ADAMTS2: variants seen among roughly 807,000 people sequenced by gnomAD.
ADAMTS2 encodes A disintegrin and metalloproteinase with thrombospondin motifs 2.
ADAMTS2 carries 50 observed loss-of-function variants against 123.0 expected under a neutral mutation model. The observed-to-expected ratio is 0.41, with a 90% confidence interval of 0.32 to 0.51. ADAMTS2 has a LOEUF of 0.51. Among genes scored for constraint, ADAMTS2 ranks in the 20% least tolerant of loss-of-function variants. ADAMTS2 has a pLI of 0.35. For synonymous variants in ADAMTS2, 678 were observed against 695.4 expected (o/e 0.98, Z 0.39); for missense variants, 1,494 against 1,705.2 (o/e 0.88, Z 2.18).
rs148530649 is a variant in ADAMTS2, at chr5:179,240,494, G to A, written c.688+32417C>T. 3.9e-3 allele frequency among the ~76,000 whole-genome samples: 594 copies of A among 152,278 alleles called. 2 individuals are homozygous for A. The highest frequency in any genetic ancestry group is 0.024 in the Middle Eastern group (7 of 294). On this transcript the variant is annotated intron_variant, in intron 3 of 21. Coordinates refer to ENST00000251582, the MANE Select transcript of ADAMTS2 (RefSeq NM_014244.5). ...CTGCAGGTTTGCTGGAGCACAGGTC[G>A]GAGCAAAAGGGAACCGGGAAAATAG...
intron 9 of ADAMTS2, among the ~76,000 whole-genome samples, chr5:179,153,087 C>T (rs1379294725): frequency 6.6e-6 from 1 of 152,180 alleles, no homozygotes; most frequent in East Asian, 1.9e-4. Flanking sequence ...AGCGAGTGCT[C>T]CTGTGCCTGC....
intron 4 of ADAMTS2, among the ~76,000 whole-genome samples, chr5:179,183,281 C>T (rs1053568623): frequency 3.3e-5 from 5 of 152,184 alleles, no homozygotes; most frequent in South Asian, 2.1e-4. Context: ...TTCTCTATCA[C>T]GACAAAGCTT....
rs1404612671 is a variant in ADAMTS2 at position 179,228,099 on chromosome 5, A to G, written c.689-20384T>C. 6.6e-6 allele frequency among the ~76,000 whole-genome samples: 1 copy of G among 152,168 alleles called. No homozygotes were observed. The highest frequency in any genetic ancestry group is 2.4e-5 in the African/African-American group (1 of 41,454). ...GTTGGGCTGAGATTTCTGTGGGGAC[A>G]CAAGGACAGACACCCATGAGACACT... On this transcript the variant is annotated intron_variant, in intron 3 of 21. Transcript: ENST00000251582. This position sits in a 1 kb window ranked among gnomAD's most constrained non-coding sequence, Gnocchi z 5.2.
chr5:179,154,760 G>C (rs1763435744), intron 7 of ADAMTS2, 54 bp downstream of exon 7: 7 of 1,443,994 alleles, frequency 4.8e-6, no homozygotes, highest in Admixed American at 1.9e-5. Context: ...GGCAGCCAGG[G>C]CTGGGGATCC....
chr5:179,233,580 G>C (rs1378211845), intron 3 of ADAMTS2, among the ~76,000 whole-genome samples: 1 of 152,184 alleles, frequency 6.6e-6, no homozygotes, highest in African/African-American at 2.4e-5. Context: ...CCAGCTACTC[G>C]GGAGGCTGGA....
intron 2 of ADAMTS2, among the ~76,000 whole-genome samples, chr5:179,283,946 A>ATTATTC (rs1755919606): frequency 1.3e-5 from 1 of 75,774 alleles, no homozygotes; most frequent in South Asian, 3.1e-4. Context: ...TGGTCAGATG[A>ATTATTC]TTATTATTAT....
At chr5:179,329,179 T>C (rs571003574) in intron 2 of ADAMTS2, among the ~76,000 whole-genome samples, 28 of 152,054 alleles carry the variant, frequency 1.8e-4, no homozygotes, top group African/African-American at 3.4e-4. Context: ...TACAAAAAAT[T>C]AGCCGGGTGT....
chr5:179,239,489 G>A (rs1765611411), intron 3 of ADAMTS2, among the ~76,000 whole-genome samples: 1 of 152,138 alleles, frequency 6.6e-6, no homozygotes, highest in Non-Finnish European at 1.5e-5. Flanking sequence ...AGGTTGGCAA[G>A]TAGAGAAATG....
At chr5:179,169,436 G>C (rs1695943472) in intron 5 of ADAMTS2, among the ~76,000 whole-genome samples, 1 of 152,230 alleles carries the variant, frequency 6.6e-6, no homozygotes, top group South Asian at 2.1e-4. Flanking sequence ...ACCTCCCAAG[G>C]GCAGTGTCCA....
Position 179,113,639 on chromosome 5 carries a change from C to T in ADAMTS2, c.*228G>A. The T allele has an allele frequency of 1.7e-6, 1 of 580,552 alleles. No individual in the cohort carries two copies. Among genetic ancestry groups the T allele is most frequent in the Non-Finnish European group, 3.1e-6 (1 of 326,770 alleles). The allele number at this position is 580,552 out of a possible 1,614,324, so 36.0% of individuals were successfully genotyped here. ...CCTCTATATTCCTCTCCACTGCACA[C>T]CTGACGCCACCACAGTATTTGGTCG... On this transcript the variant is annotated 3_prime_UTR_variant, in exon 22 of 22. Transcript: ENST00000251582.
chr5:179,188,796 G>C lies in ADAMTS2; in HGVS notation c.892-7641C>G, dbSNP rs975577934. ...TCTGCAGATGCCTCAGGGTGGGGAC[G>C]GGGCTCCTCCACTTCCAGGCCAGCT... On this transcript the variant is annotated intron_variant, in intron 4 of 21. Coordinates refer to ENST00000251582, the MANE Select transcript of ADAMTS2 (RefSeq NM_014244.5). This position sits in a 1 kb window ranked among gnomAD's most constrained non-coding sequence, Gnocchi z 5.1. 2.0e-5 allele frequency among the ~76,000 whole-genome samples: 3 copies of C among 152,118 alleles called. No homozygotes were observed. Among genetic ancestry groups the C allele is most frequent in the African/African-American group, 7.2e-5 (3 of 41,400 alleles).
intron 12 of ADAMTS2, among the ~76,000 whole-genome samples, chr5:179,136,671 C>T (rs1364126333): frequency 1.7e-5 from 1 of 59,108 alleles, no homozygotes; most frequent in Non-Finnish European, 3.3e-5. Flanking sequence ...GACTCCATCT[C>T]AAAAAAAAAA....
rs1762894389 is a variant in ADAMTS2 at position 179,128,170 on chromosome 5, C to T, written c.2458-52G>A. The T allele has an allele frequency of 6.2e-7, 1 of 1,605,734 alleles. No homozygotes were observed. Among genetic ancestry groups the T allele is most frequent in the Non-Finnish European group, 8.5e-7 (1 of 1,178,508 alleles). The stretch of plus-strand genomic sequence containing the variant: ...GCCTGACCTGCCCTCCATGCTTCCT[C>T]CCCAGCCAGCTTAGGAACGGCAGCT... On this transcript the variant is annotated intron_variant, in intron 16 of 21. Transcript: ENST00000251582. This position sits in a 1 kb window ranked among gnomAD's most constrained non-coding sequence, Gnocchi z 4.9.
intron 2 of ADAMTS2, among the ~76,000 whole-genome samples, chr5:179,294,656 C>T (rs1370213101): frequency 6.6e-6 from 1 of 152,260 alleles, no homozygotes; most frequent in Non-Finnish European, 1.5e-5. Flanking sequence ...CCCCGCAGGG[C>T]TGCACCCACA....
At chr5:179,310,182 T>A (rs1273756320) in intron 2 of ADAMTS2, among the ~76,000 whole-genome samples, 1 of 152,244 alleles carries the variant, frequency 6.6e-6, no homozygotes, top group Non-Finnish European at 1.5e-5. Flanking sequence ...GCTCAGGCGC[T>A]GAGATGCTCT....
chr5:179,219,127 T>C (rs1765068876), intron 3 of ADAMTS2, among the ~76,000 whole-genome samples: 2 of 152,186 alleles, frequency 1.3e-5, no homozygotes, highest in South Asian at 4.1e-4. Flanking sequence ...AACCTGATGC[T>C]GTGTGTTGGT....
rs368201339 is a variant in ADAMTS2, at chr5:179,180,155, G to A, written c.975+917C>T. On this transcript the variant is annotated intron_variant, in intron 5 of 21. Coordinates refer to ENST00000251582, the MANE Select transcript of ADAMTS2 (RefSeq NM_014244.5). This position sits in a 1 kb window ranked among gnomAD's most constrained non-coding sequence, Gnocchi z 4.6. ...CATCCATACAAAGTGCTTCCCACAC[G>A]GCTGGTACAGGCACTTTGCAGTCTA... Among the ~76,000 whole-genome samples, 2 of 152,126 alleles carry A rather than the reference G, an allele frequency of 1.3e-5. No homozygotes were observed. Among genetic ancestry groups the A allele is most frequent in the African/African-American group, 2.4e-5 (1 of 41,406 alleles).
intron 2 of ADAMTS2, among the ~76,000 whole-genome samples, chr5:179,280,283 A>T (rs1379702568): frequency 1.3e-5 from 2 of 152,082 alleles, no homozygotes; most frequent in Non-Finnish European, 2.9e-5. Context: ...GCTAGACTCC[A>T]CTTTGAAGGG....
At chr5:179,240,099 A>T (rs1765628990) in intron 3 of ADAMTS2, among the ~76,000 whole-genome samples, 1 of 152,156 alleles carries the variant, frequency 6.6e-6, no homozygotes, top group African/African-American at 2.4e-5. Flanking sequence ...AGACGAGGGA[A>T]GCCGTCAGGT....
Sources: allele counts gnomAD v4.1 joint callset (sites outside exome capture counted in the v4.1 genomes callset), GRCh38; gene constraint gnomAD v4.1.1; non-coding constraint Gnocchi (gnomAD v3.1); transcripts MANE v1.5; gene names NCBI Gene and HGNC (gene_info 2026-07-23, HGNC 2026-07-21).